MPST: variants seen among roughly 807,000 people sequenced by gnomAD.
MPST encodes the protein mercaptopyruvate sulfurtransferase.
In MPST, 27 loss-of-function variants were observed where a neutral mutation model predicts 28.5. The ratio of observed to expected loss-of-function variants is 0.95; its 90% CI spans 0.70 to 1.31. The LOEUF (loss-of-function observed/expected upper bound fraction) is 1.31. Ranked by LOEUF, MPST falls within the 50% of genes most tolerant of loss-of-function variation. MPST has a pLI of 0.00. For synonymous variants in MPST, 204 were observed against 209.3 expected (o/e 0.97, Z 0.22); for missense variants, 492 against 471.1 (o/e 1.04, Z -0.41).
intron 2 of MPST, chr22:37,027,169 T>G (rs1601462332): frequency 6.6e-6 from 1 of 152,628 alleles, no homozygotes; most frequent in Admixed American, 6.5e-5. Context: ...GTCAGGCTGG[T>G]CTCGAACTCC....
rs778853324 is a variant in MPST at position 37,029,285 on chromosome 22, T to C, written c.725T>C (p.Leu242Pro). Residue 242 changes from leucine to proline, a missense_variant, in exon 3 of 3, where the codon CTG becomes CCG. By Grantham distance (98) the Leu-to-Pro change is moderately conservative. Transcript: ENST00000429360. The part of the protein sequence containing the change: ...PFTDFLSQEG[L>P]EKSPEEIRHL... ...ACAGACTTCCTGAGCCAGGAGGGGC[T>C]GGAGAAGAGCCCTGAGGAGATCCGC... is the stretch of plus-strand genomic sequence containing the variant. 8 of 1,614,006 alleles carry C rather than the reference T, an allele frequency of 5.0e-6. No homozygotes were observed. In the Admixed American group the frequency reaches 1.3e-4, roughly 27 times the overall value.
chr22:37,020,980 G>C (rs1923025870), intron 1 of MPST, among the ~76,000 whole-genome samples: 1 of 151,186 alleles, frequency 6.6e-6, no homozygotes, highest in African/African-American at 2.4e-5. Flanking sequence ...TTTAAAAAAA[G>C]GTTTTGTTCT....
At chr22:37,020,685 C>G (rs1354051512) in intron 1 of MPST, among the ~76,000 whole-genome samples, 2 of 152,124 alleles carry the variant, frequency 1.3e-5, no homozygotes, top group African/African-American at 2.4e-5. Context: ...TTGAGACAGG[C>G]TGTGGTTCTG....
At position 37,029,533 on chromosome 22, in the gene MPST, C is replaced by G. The variant is rs1195133309; in HGVS notation, c.*19C>G. 6.3e-7 allele frequency: 1 copy of G among 1,578,312 alleles called. No homozygotes were observed. Among genetic ancestry groups the G allele is most frequent in the South Asian group, 1.1e-5 (1 of 88,464 alleles). On this transcript the variant is annotated 3_prime_UTR_variant, in exon 3 of 3. Transcript: ENST00000429360. ...CCACTGAAGCTGGGCAGGACACAGG[C>G]GAGCTCAGGTGATGCCGGCCACCAG...
chr22:37,028,109 A>G (rs551794087), intron 2 of MPST: 53 of 152,344 alleles, frequency 3.5e-4, no homozygotes, highest in African/African-American at 1.3e-3. Context: ...ATTCAATAAC[A>G]TCAGCTATTG....
chr22:37,021,232 G>C (rs902684963), intron 1 of MPST, among the ~76,000 whole-genome samples: 1 of 152,052 alleles, frequency 6.6e-6, no homozygotes, highest in Non-Finnish European at 1.5e-5. Flanking sequence ...CAGTGATCCC[G>C]GCTTCTGAAT....
intron 1 of MPST, among the ~76,000 whole-genome samples, chr22:37,021,776 C>G (rs561315383): frequency 1.5e-4 from 23 of 152,202 alleles, no homozygotes; most frequent in Middle Eastern, 3.4e-3. Context: ...CGACCTAAAC[C>G]GTTTTTAATG....
rs1923305032 is a variant in MPST at position 37,024,285 on chromosome 22, C to T, written c.130C>T (p.Arg44Cys). The T allele has an allele frequency of 1.3e-6, 2 of 1,508,444 alleles. No individual in the cohort carries two copies. Among genetic ancestry groups the T allele is most frequent in the African/African-American group, 1.4e-5 (1 of 69,964 alleles). The allele number at this position is 1,508,444 out of a possible 1,614,324, so 93.4% of individuals were successfully genotyped here. ...QWVAEALRAP[R>C]AGQPLQLLDA... ...GGTGGCGGAGGCGCTGCGGGCCCCG[C>T]GCGCTGGGCAGCCTCTGCAGCTGCT... The change falls in exon 2 of 3, where the codon CGC becomes TGC. Residue 44 changes from arginine (R) to cysteine (C), a missense_variant. Coordinates refer to ENST00000429360, the MANE Select transcript of MPST (RefSeq NM_021126.8).
Position 37,025,328 on chromosome 22 carries a change from G to A in MPST, c.655+518G>A, listed in dbSNP as rs1923442717. 4 of 416,818 alleles carry A rather than the reference G, an allele frequency of 9.6e-6. No individual in the cohort carries two copies. In the Admixed American group the frequency reaches 1.2e-4, roughly 12 times the overall value. 25.8% of individuals were successfully genotyped at this position (416,818 alleles called of 1,614,324 possible). On this transcript the variant is annotated intron_variant, in intron 2 of 2. Transcript: ENST00000429360. ...AATGTTGGGGGGCAGGCCCCAGTAT[G>A]AGAGAAAAACCCAGAGGGATGGTCC... is the stretch of plus-strand genomic sequence containing the variant.
At position 37,029,263 on chromosome 22, in the gene MPST, G is replaced by A. The variant is rs1312772629; in HGVS notation, c.703G>A (p.Asp235Asn). Reference sequence around the variant, plus strand: ...AGGTACCGTGAACATCCCCTTCACAGACTTCCTGAGCCAGGAGGGGCTGGA... The same window carrying A: ...AGGTACCGTGAACATCCCCTTCACAAACTTCCTGAGCCAGGAGGGGCTGGA... ...IPGTVNIPFT[D>N]FLSQEGLEKS... The change falls in exon 3 of 3, where the codon GAC becomes AAC. Residue 235 changes from aspartate (D) to asparagine (N), a missense_variant. Transcript: ENST00000429360. 1 of 1,614,192 alleles carries A rather than the reference G, an allele frequency of 6.2e-7. No homozygotes were observed. The highest frequency in any genetic ancestry group is 1.1e-5 in the South Asian group (1 of 91,074).
Position 37,024,177 on chromosome 22 carries a change from C to T in MPST, c.37-15C>T, listed in dbSNP as rs891186892. The T allele has an allele frequency of 1.5e-6, 2 of 1,373,844 alleles. No individual in the cohort carries two copies. Among genetic ancestry groups the T allele is most frequent in the African/African-American group, 1.5e-5 (1 of 65,102 alleles). 85.1% of individuals were successfully genotyped at this position (1,373,844 alleles called of 1,614,324 possible). On this transcript the variant is annotated splice_polypyrimidine_tract_variant and intron_variant, in intron 1 of 2. Coordinates refer to ENST00000429360, the MANE Select transcript of MPST (RefSeq NM_021126.8). ...CTCTCCCTGCTTCCCTTCTGACATCCTCCCTGTCGCCCAGGCCCGCAGCCC... is the reference window on the plus strand; with the variant it reads ...CTCTCCCTGCTTCCCTTCTGACATCTTCCCTGTCGCCCAGGCCCGCAGCCC...
At chr22:37,020,783 C>T (rs138159140) in intron 1 of MPST, among the ~76,000 whole-genome samples, 1,950 of 152,222 alleles carry the variant, frequency 0.013, 20 homozygotes, top group Middle Eastern at 0.041. Context: ...CTTAGCCTCC[C>T]AAGTAGGTGG....
At chr22:37,021,652 T>C (rs1466635868) in intron 1 of MPST, among the ~76,000 whole-genome samples, 1 of 152,016 alleles carries the variant, frequency 6.6e-6, no homozygotes, top group African/African-American at 2.4e-5. Context: ...TTTGTATTTT[T>C]AGTAGAGATG....
In MPST at chr22:37,019,840, G is replaced by A; in HGVS notation, c.4G>A (p.Ala2Thr). The A allele has an allele frequency of 8.2e-7, 1 of 1,217,876 alleles. No individual in the cohort carries two copies. The highest frequency in any genetic ancestry group is 3.2e-5 in the East Asian group (1 of 31,572). The allele number at this position is 1,217,876 out of a possible 1,614,324, so 75.4% of individuals were successfully genotyped here. A position where few individuals can be genotyped will look rare whatever the true frequency, so the allele number is the denominator to read the frequency against. Reference protein sequence around the residue: MAEPGSRESETR... With the variant: MTEPGSRESETR... ...GGGGCGCCGCGCCGCGGGGGCCATGGCGGAGCCAGGAAGCCGGGAGTCCGA... is the reference window on the plus strand; with the variant it reads ...GGGGCGCCGCGCCGCGGGGGCCATGACGGAGCCAGGAAGCCGGGAGTCCGA... The change falls in exon 1 of 3, where the codon GCG becomes ACG. Residue 2 changes from alanine (A) to threonine (T), a missense_variant. Coordinates refer to ENST00000429360, the MANE Select transcript of MPST (RefSeq NM_021126.8).
chr22:37,024,252 G>T lies in MPST; in HGVS notation c.97G>T (p.Ala33Ser). 6.9e-7 allele frequency: 1 copy of T among 1,439,580 alleles called. No homozygotes were observed. Among genetic ancestry groups the T allele is most frequent in the Non-Finnish European group, 9.0e-7 (1 of 1,106,100 alleles). The allele number at this position is 1,439,580 out of a possible 1,614,324, so 89.2% of individuals were successfully genotyped here. The change falls in exon 2 of 3, where the codon GCG becomes TCG. Residue 33 changes from alanine (A) to serine (S), a missense_variant. Coordinates refer to ENST00000429360, the MANE Select transcript of MPST (RefSeq NM_021126.8). ...SPQLCRALVS[A>S]QWVAEALRAP... ...GCAGCTCTGCCGCGCGCTGGTGTCG[G>T]CGCAATGGGTGGCGGAGGCGCTGCG...
In MPST at chr22:37,029,230, C is replaced by A; in HGVS notation, c.670C>A (p.His224Asn). 1 of 1,613,968 alleles carries A rather than the reference C, an allele frequency of 6.2e-7. No individual in the cohort carries two copies. The highest frequency in any genetic ancestry group is 8.5e-7 in the Non-Finnish European group (1 of 1,179,926). Residue 224 changes from histidine (H) to asparagine (N), a missense_variant, in exon 3 of 3, where the codon CAC becomes AAC. By Grantham distance (68) the His-to-Asn change is moderately conservative. Transcript: ENST00000429360. Reference protein sequence around the residue: ...PEPRDGIEPGHIPGTVNIPFT... With the variant: ...PEPRDGIEPGNIPGTVNIPFT... The stretch of plus-strand genomic sequence containing the variant: ...CCCTGCTGTAGGCATTGAACCTGGC[C>A]ACATCCCAGGTACCGTGAACATCCC...
At chr22:37,022,369 ACT>A (rs1923137498) in intron 1 of MPST, among the ~76,000 whole-genome samples, 1 of 151,522 alleles carries the variant, frequency 6.6e-6, no homozygotes, top group Admixed American at 6.6e-5. Context: ...CCTCAATTTC[ACT>A]CTCTCTTGCC....
rs8135732 is a variant in MPST at position 37,028,986 on chromosome 22, A to C, written c.656-230A>C. The C allele has an allele frequency of 7.1e-4, 380 of 532,898 alleles. 3 individuals carry two copies. The highest frequency in any genetic ancestry group is 6.3e-3 in the African/African-American group (331 of 52,788). The allele number at this position is 532,898 out of a possible 1,614,324, so 33.0% of individuals were successfully genotyped here. A position where few individuals can be genotyped will look rare whatever the true frequency, so the allele number is the denominator to read the frequency against. ...CAAAGTTCAGTCAGCAATTTGCTAG[A>C]TGTGTTAGCCTCAGGTGGTACTTAA... On this transcript the variant is annotated intron_variant, in intron 2 of 2. Transcript: ENST00000429360.
rs1259781713 is a variant in MPST at position 37,024,312 on chromosome 22, G to A, written c.157G>A (p.Asp53Asn). ...CGCTGGGCAGCCTCTGCAGCTGCTGGACGCCTCCTGGTACCTGCCGAAGCT... is the reference window on the plus strand; with the variant it reads ...CGCTGGGCAGCCTCTGCAGCTGCTGAACGCCTCCTGGTACCTGCCGAAGCT... ...PRAGQPLQLL[D>N]ASWYLPKLGR... The change falls in exon 2 of 3, where the codon GAC becomes AAC. Residue 53 changes from aspartate (D) to asparagine (N), a missense_variant. Transcript: ENST00000429360. 2 of 1,532,340 alleles carry A rather than the reference G, an allele frequency of 1.3e-6. No homozygotes were observed. Among genetic ancestry groups the A allele is most frequent in the African/African-American group, 2.8e-5 (2 of 72,036 alleles). The allele number at this position is 1,532,340 out of a possible 1,614,324, so 94.9% of individuals were successfully genotyped here.
Sources: gnomAD v4.1 joint callset for allele counts (sites outside exome capture counted in the v4.1 genomes callset) on GRCh38, gnomAD v4.1.1 for gene constraint, MANE v1.5 for transcripts, NCBI Gene and HGNC (gene_info 2026-07-23, HGNC 2026-07-21) for gene names.